The following MGAT4C variants were observed in gnomAD, a reference collection of about 807,000 sequenced individuals.
The protein encoded by MGAT4C is alpha-1,3-mannosyl-glycoprotein 4-beta-N-acetylglucosaminyltransferase C.
MGAT4C carries 19 observed loss-of-function variants against 40.1 expected under a neutral mutation model. The ratio of observed to expected loss-of-function variants is 0.47; its 90% CI spans 0.33 to 0.70. The LOEUF is 0.70. MGAT4C is among the 30% of genes least tolerant of loss of function. The pLI is 0.02. For synonymous variants in MGAT4C, 181 were observed against 187.1 expected (o/e 0.97, Z 0.27); for missense variants, 491 against 563.2 (o/e 0.87, Z 1.30).
At position 85,975,355 on chromosome 12, in the gene MGAT4C, A is replaced by G. The variant is rs1279953940; in HGVS notation, c.*3934T>C. On this transcript the variant is annotated 3_prime_UTR_variant, in exon 5 of 5. Transcript: ENST00000611864. The stretch of plus-strand genomic sequence containing the variant: ...TATACGTGACATGGATAAAAAGGAA[A>G]CAAATATTTATTGTGTGCCTAGTTT... The G allele has an allele frequency of 6.6e-6, 1 of 151,040 alleles. No homozygotes were observed. Among genetic ancestry groups the G allele is most frequent in the African/African-American group, 2.4e-5 (1 of 41,340 alleles). The allele number at this position is 151,040 out of a possible 1,614,324, so 9.4% of individuals were successfully genotyped here.
intron 2 of MGAT4C, among the ~76,000 whole-genome samples, chr12:86,504,125 G>A (rs1958427156): frequency 6.6e-6 from 1 of 151,964 alleles, no homozygotes; most frequent in Non-Finnish European, 1.5e-5. Flanking sequence ...ATGAAGAGAT[G>A]CCACTGTAAA....
intron 1 of MGAT4C, among the ~76,000 whole-genome samples, chr12:86,764,749 C>T (rs1342201772): frequency 6.6e-6 from 1 of 152,160 alleles, no homozygotes; most frequent in African/African-American, 2.4e-5. Context: ...GATACCCAGG[C>T]AAACAGGGTC....
chr12:86,836,157 T>A (rs545019039), intron 1 of MGAT4C, among the ~76,000 whole-genome samples: 2 of 152,152 alleles, frequency 1.3e-5, no homozygotes, highest in South Asian at 4.1e-4. Context: ...ACCAATCCTA[T>A]TTTCTGTCTA....
intron 2 of MGAT4C, among the ~76,000 whole-genome samples, chr12:86,450,670 C>T (rs1436640177): frequency 6.6e-6 from 1 of 151,836 alleles, no homozygotes; most frequent in African/African-American, 2.4e-5. Context: ...GAATTAATTA[C>T]CTTGTATTAT....
At chr12:86,497,661 C>T (rs1388499228) in intron 2 of MGAT4C, among the ~76,000 whole-genome samples, 1 of 151,510 alleles carries the variant, frequency 6.6e-6, no homozygotes, top group African/African-American at 2.4e-5. Flanking sequence ...ATGGCGTTTC[C>T]AGGATGCATA....
chr12:86,232,160 G>T (rs1951350764), intron 1 of MGAT4C, among the ~76,000 whole-genome samples: 1 of 141,670 alleles, frequency 7.1e-6, no homozygotes, highest in Non-Finnish European at 1.5e-5. Flanking sequence ...AAGGAGGGGG[G>T]CGGGTTGGGG....
intron 2 of MGAT4C, among the ~76,000 whole-genome samples, chr12:86,671,114 T>C (rs1290280919): frequency 2.6e-5 from 4 of 152,260 alleles, no homozygotes. Context: ...GATGTTAACA[T>C]CGTTCTTGAA....
At chr12:86,348,930 G>A (rs1955099189) in intron 3 of MGAT4C, among the ~76,000 whole-genome samples, 1 of 151,864 alleles carries the variant, frequency 6.6e-6, no homozygotes, top group Non-Finnish European at 1.5e-5. Flanking sequence ...CAACTTTGTG[G>A]AATTTTCTAT....
chr12:86,319,177 T>C (rs1445649516), intron 4 of MGAT4C, among the ~76,000 whole-genome samples: 1 of 152,176 alleles, frequency 6.6e-6, no homozygotes, highest in African/African-American at 2.4e-5. Context: ...AAGAACTTAT[T>C]ACAAGGGACT....
chr12:86,114,009 G>A (rs1231333696), intron 1 of MGAT4C, among the ~76,000 whole-genome samples: 1 of 151,810 alleles, frequency 6.6e-6, no homozygotes, highest in African/African-American at 2.4e-5. Context: ...CTTTTAGTGG[G>A]TTGATAAGAT....
intron 1 of MGAT4C, among the ~76,000 whole-genome samples, chr12:86,148,167 T>C (rs1883803505): frequency 6.6e-6 from 1 of 152,202 alleles, no homozygotes; most frequent in Non-Finnish European, 1.5e-5. Flanking sequence ...AACACTCTTT[T>C]TGCTGTCACT....
intron 4 of MGAT4C, among the ~76,000 whole-genome samples, chr12:86,329,770 T>C (rs1954616248): frequency 1.3e-5 from 2 of 152,318 alleles, no homozygotes; most frequent in African/African-American, 4.8e-5. Flanking sequence ...TACTGTATTT[T>C]AAAGTGTATA....
At chr12:86,484,522 A>C (rs542335275) in intron 2 of MGAT4C, among the ~76,000 whole-genome samples, 1 of 152,142 alleles carries the variant, frequency 6.6e-6, no homozygotes, top group South Asian at 2.1e-4. Flanking sequence ...AGGATCCCCC[A>C]ACACAGCCAG....
chr12:86,388,365 CA>C (rs1405905630), intron 3 of MGAT4C, among the ~76,000 whole-genome samples: 1 of 151,290 alleles, frequency 6.6e-6, no homozygotes, highest in Non-Finnish European at 1.5e-5. Flanking sequence ...AAGATGAGAA[CA>C]ATATTTTATT....
chr12:86,719,658 CTG>C (rs1480507271), intron 2 of MGAT4C, among the ~76,000 whole-genome samples: 2 of 152,142 alleles, frequency 1.3e-5, no homozygotes, highest in African/African-American at 4.8e-5. Context: ...TAAGAAGTGA[CTG>C]GTGTTTGCAG....
rs1039359512 is a variant in MGAT4C, at chr12:86,477,239, T to TA, written c.-228-41975dup. 3.3e-3 allele frequency among the ~76,000 whole-genome samples: 497 copies of TA among 151,976 alleles called. 2 individuals carry two copies. The highest frequency in any genetic ancestry group is 0.012 in the African/African-American group (480 of 41,492). On this transcript the variant is annotated intron_variant, in intron 2 of 7. Coordinates refer to the MGAT4C transcript ENST00000548651. ...ACAACATGGTATACTATGCAGCCAT[T>TA]AAAAAAACCTTGTTATTTGCAGTGA... is the stretch of plus-strand genomic sequence containing the variant.
intron 2 of MGAT4C, among the ~76,000 whole-genome samples, chr12:86,014,778 G>A (rs1269924195): frequency 1.3e-5 from 2 of 152,016 alleles, no homozygotes; most frequent in Admixed American, 6.6e-5. Flanking sequence ...AAATGACAAT[G>A]AGGAGCGCCA....
At chr12:86,803,772 G>T (rs1415139234) in intron 1 of MGAT4C, among the ~76,000 whole-genome samples, 3 of 149,304 alleles carry the variant, frequency 2.0e-5, no homozygotes, top group Non-Finnish European at 3.0e-5. Flanking sequence ...AACAACAGGT[G>T]CTGGAGAGGA....
At chr12:86,545,839 A>T (rs1259392907) in intron 2 of MGAT4C, among the ~76,000 whole-genome samples, 2 of 151,986 alleles carry the variant, frequency 1.3e-5, no homozygotes, top group East Asian at 1.9e-4. Context: ...ACCAAAAAAT[A>T]AAGGTAGTAA....
Sources: allele counts gnomAD v4.1 joint callset (sites outside exome capture counted in the v4.1 genomes callset), GRCh38; gene constraint gnomAD v4.1.1; transcripts MANE v1.5; gene names NCBI Gene and HGNC (gene_info 2026-07-23, HGNC 2026-07-21).